Variants in PPP1R12B observed in about 807,000 individuals in gnomAD.
The protein encoded by PPP1R12B is protein phosphatase 1 regulatory subunit 12B, also known as myosin phosphatase target subunit 2.
Under a neutral mutation model 126.1 loss-of-function variants are expected in PPP1R12B, and 76 were observed. That is an observed-to-expected ratio of 0.60 (90% CI 0.50 to 0.73). The LOEUF (loss-of-function observed/expected upper bound fraction) is 0.73, where lower values mean the gene tolerates loss of function less well. Ranked by LOEUF, PPP1R12B falls within the 30% of genes least tolerant of loss-of-function variation. The pLI, the probability that PPP1R12B is intolerant of heterozygous loss-of-function variation, is 0.00. For synonymous variants in PPP1R12B, 356 were observed against 434.7 expected, an observed-to-expected ratio of 0.82 and a Z score of 2.25; for missense variants, 1,052 against 1,205.1, an observed-to-expected ratio of 0.87 and a Z score of 1.88.
intron 11 of PPP1R12B, among the ~76,000 whole-genome samples, chr1:202,441,021 C>G (rs1054026829): frequency 6.6e-6 from 1 of 152,094 alleles, no homozygotes. Context: ...GAAGTCTTCC[C>G]TGATTTTTCC....
chr1:202,506,349 C>CT (rs1050237584), intron 18 of PPP1R12B, among the ~76,000 whole-genome samples: 28 of 152,296 alleles, frequency 1.8e-4, no homozygotes, highest in African/African-American at 5.8e-4. Flanking sequence ...AACAAAGTTT[C>CT]TTTTGGCATC....
intron 5 of PPP1R12B, among the ~76,000 whole-genome samples, chr1:202,428,294 G>C (rs1669807431): frequency 6.6e-6 from 1 of 152,178 alleles, no homozygotes; most frequent in African/African-American, 2.4e-5. Flanking sequence ...TTCTAGTAGT[G>C]CAGAGATATG....
At chr1:202,373,552 C>T (rs1388654490) in intron 1 of PPP1R12B, among the ~76,000 whole-genome samples, 1 of 152,040 alleles carries the variant, frequency 6.6e-6, no homozygotes. Context: ...TCCAGTTGTC[C>T]CAGCACCATT....
intron 1 of PPP1R12B, among the ~76,000 whole-genome samples, chr1:202,375,805 C>G (rs1317837158): frequency 6.6e-6 from 1 of 152,236 alleles, no homozygotes; most frequent in African/African-American, 2.4e-5. Flanking sequence ...TCCTCCCCCT[C>G]AGACTCCCAA....
chr1:202,351,212 T>TTTGTTGTTG (rs60936070), intron 1 of PPP1R12B, among the ~76,000 whole-genome samples: 7 of 146,550 alleles, frequency 4.8e-5, no homozygotes, highest in East Asian at 2.0e-4. Context: ...TGGAGAAGTT[T>TTTGTTGTTG]TTGTTGTTGT....
intron 1 of PPP1R12B, among the ~76,000 whole-genome samples, chr1:202,398,100 T>C (rs1296921867): frequency 6.6e-6 from 1 of 152,114 alleles, no homozygotes; most frequent in Non-Finnish European, 1.5e-5. Flanking sequence ...ATATGTTTGA[T>C]TTTTTTAGGA....
At chr1:202,422,991 T>G (rs1220567324) in intron 3 of PPP1R12B, among the ~76,000 whole-genome samples, 2 of 152,160 alleles carry the variant, frequency 1.3e-5, no homozygotes, top group African/African-American at 4.8e-5. Context: ...ATCATACAAT[T>G]AAGAGTGACC....
At chr1:202,412,386 A>G (rs1444354661) in intron 1 of PPP1R12B, among the ~76,000 whole-genome samples, 2 of 152,238 alleles carry the variant, frequency 1.3e-5, no homozygotes, top group African/African-American at 4.8e-5. Flanking sequence ...GATTAAGAAA[A>G]GGAGAGGAGA....
intron 13 of PPP1R12B, among the ~76,000 whole-genome samples, chr1:202,459,874 G>A (rs1302778853): frequency 6.6e-6 from 1 of 152,218 alleles, no homozygotes; most frequent in Non-Finnish European, 1.5e-5. Flanking sequence ...TGGATTGCTT[G>A]TGAGAACTAT....
In PPP1R12B at chr1:202,578,793, G is replaced by A. The variant is rs545548820; in HGVS notation, c.2863-1681G>A. On this transcript the variant is annotated intron_variant, in intron 23 of 23. Transcript: ENST00000608999. ...GTAGGACAGGGACTGTTGTTCTTAC[G>A]AAAGTACAAAAATGGAAATGCAGAG... Among the ~76,000 whole-genome samples the A allele has an allele frequency of 2.2e-4, 33 of 152,294 alleles. 2 individuals carry two copies. The highest frequency in any genetic ancestry group is 8.5e-4 in the Admixed American group (13 of 15,298).
intron 18 of PPP1R12B, among the ~76,000 whole-genome samples, chr1:202,524,616 T>G (rs1683124324): frequency 6.6e-6 from 1 of 152,190 alleles, no homozygotes; most frequent in Non-Finnish European, 1.5e-5. Context: ...ACATATAATG[T>G]TTGGTTTTCA....
chr1:202,423,995 T>C (rs1669157898), intron 3 of PPP1R12B, among the ~76,000 whole-genome samples: 1 of 152,162 alleles, frequency 6.6e-6, no homozygotes, highest in Non-Finnish European at 1.5e-5. Flanking sequence ...TTGTGCGCTA[T>C]TGAATTGAAG....
chr1:202,488,685 C>G (rs1270852464), intron 14 of PPP1R12B, 62 bp downstream of exon 14: 2 of 1,334,402 alleles, frequency 1.5e-6, no homozygotes, highest in Non-Finnish European at 2.1e-6. Context: ...GAGGTACAAT[C>G]AAAACACACT....
At chr1:202,492,431 A>T (rs978288001) in intron 14 of PPP1R12B, among the ~76,000 whole-genome samples, 2 of 152,202 alleles carry the variant, frequency 1.3e-5, no homozygotes, top group Non-Finnish European at 2.9e-5. Context: ...CTGAGGACTC[A>T]TGCACATAAC....
At chr1:202,520,228 G>T (rs181441672) in intron 18 of PPP1R12B, among the ~76,000 whole-genome samples, 78 of 152,178 alleles carry the variant, frequency 5.1e-4, no homozygotes, top group Non-Finnish European at 4.3e-4. Flanking sequence ...AAAACCTGGG[G>T]CCCAAAAGAG....
intron 18 of PPP1R12B, among the ~76,000 whole-genome samples, chr1:202,530,662 T>C (rs1423997254): frequency 2.0e-5 from 3 of 152,192 alleles, no homozygotes; most frequent in Non-Finnish European, 4.4e-5. Flanking sequence ...TGTCAGCTAG[T>C]AAAGTTATTG....
chr1:202,504,794 G>A (rs1680637969), intron 18 of PPP1R12B, among the ~76,000 whole-genome samples: 1 of 152,154 alleles, frequency 6.6e-6, no homozygotes, highest in Non-Finnish European at 1.5e-5. Flanking sequence ...TAACTACTTT[G>A]GATAGGTTAT....
chr1:202,426,667 TTA>T (rs1669555131), intron 4 of PPP1R12B, among the ~76,000 whole-genome samples: 1 of 152,364 alleles, frequency 6.6e-6, no homozygotes, highest in East Asian at 1.9e-4. Flanking sequence ...AGTCTTCATT[TTA>T]TATGTTACTT....
At chr1:202,417,756 C>T (rs1668267578) in intron 2 of PPP1R12B, among the ~76,000 whole-genome samples, 1 of 152,018 alleles carries the variant, frequency 6.6e-6, no homozygotes. Flanking sequence ...GTGTGAAGGC[C>T]CTTTTCAATA....
Sources: allele counts gnomAD v4.1 joint callset (sites outside exome capture counted in the v4.1 genomes callset), GRCh38; gene constraint gnomAD v4.1.1; transcripts MANE v1.5; gene names NCBI Gene and HGNC (gene_info 2026-07-23, HGNC 2026-07-21).